The following RMRP variants were observed in gnomAD, a reference collection of about 807,000 sequenced individuals.
The protein encoded by RMRP is RNase MRP RNA.
At chr9:35,657,751 A>T (rs572399988), downstream of RMRP, 6 of 683,428 alleles carry the variant, frequency 8.8e-6, no homozygotes, top group African/African-American at 1.8e-5. Context: ...GGAACAAAAA[A>T]CAGCCGCGCT....
rs902757638 is a variant in RMRP at position 35,657,943 on chromosome 9, G to A, written n.75C>T. 8.6e-6 allele frequency: 6 copies of A among 700,468 alleles called. No homozygotes were observed. Among genetic ancestry groups the A allele is most frequent in the East Asian group, 8.0e-5 (3 of 37,290 alleles). 43.4% of individuals were successfully genotyped at this position (700,468 alleles called of 1,614,324 possible). ...TGGCACTCTCTGCCCGAGGTCCGGG[G>A]ACTTTCCCCTAGGCGGAAAGGGGAG... is the stretch of plus-strand genomic sequence containing the variant. On this transcript the variant is annotated non_coding_transcript_exon_variant, in exon 1 of 1. Transcript: ENST00000363046.
chr9:35,657,930 C>T lies in RMRP; in HGVS notation n.88G>A, dbSNP rs780957606. 6.3e-5 allele frequency: 44 copies of T among 700,300 alleles called. No individual in the cohort carries two copies. The highest frequency in any genetic ancestry group is 8.8e-5 in the Non-Finnish European group (34 of 384,812). 43.4% of individuals were successfully genotyped at this position (700,300 alleles called of 1,614,324 possible). On this transcript the variant is annotated non_coding_transcript_exon_variant, in exon 1 of 1. Coordinates refer to ENST00000363046, the Ensembl canonical transcript of RMRP. Reference sequence around the variant, plus strand: ...GTGCGTATGCACGTGGCACTCTCTGCCCGAGGTCCGGGGACTTTCCCCTAG... The same window carrying T: ...GTGCGTATGCACGTGGCACTCTCTGTCCGAGGTCCGGGGACTTTCCCCTAG...
rs74810894 is a variant in RMRP at position 35,657,891 on chromosome 9, C to T, written n.127G>A. The stretch of plus-strand genomic sequence containing the variant: ...TCTTGGCGGACTTTGGAGTGGGAAG[C>T]GGGGAATGTCTACGTGCGTATGCAC... On this transcript the variant is annotated non_coding_transcript_exon_variant, in exon 1 of 1. Transcript: ENST00000363046. 11 of 700,434 alleles carry T rather than the reference C, an allele frequency of 1.6e-5. No individual in the cohort carries two copies. Among genetic ancestry groups the T allele is most frequent in the African/African-American group, 5.2e-5 (3 of 57,324 alleles). 43.4% of individuals were successfully genotyped at this position (700,434 alleles called of 1,614,324 possible). A position where few individuals can be genotyped will look rare whatever the true frequency, so the allele number is the denominator to read the frequency against.
Position 35,658,014 on chromosome 9 carries a change from G to C in RMRP, n.4C>G, listed in dbSNP as rs772443941. On this transcript the variant is annotated non_coding_transcript_exon_variant, in exon 1 of 1. Transcript: ENST00000363046. ...AGCCTAGGATACAGGCCTTCAGCAC[G>C]AACCACGTCCTCAGCTTCACAGAGT... 5.8e-6 allele frequency: 4 copies of C among 691,230 alleles called. No homozygotes were observed. The highest frequency in any genetic ancestry group is 1.1e-5 in the Non-Finnish European group (4 of 377,666). 42.8% of individuals were successfully genotyped at this position (691,230 alleles called of 1,614,324 possible).
At chr9:35,657,941 G>C in exon 1 of RMRP, 2 of 700,454 alleles carry the variant, frequency 2.9e-6, no homozygotes, top group Non-Finnish European at 5.2e-6. Flanking sequence ...CCGAGGTCCG[G>C]GGACTTTCCC....
rs2131808768 is a variant in RMRP at position 35,657,925 on chromosome 9, C to CT, written n.92dup. The CT allele has an allele frequency of 1.4e-6, 1 of 700,460 alleles. No homozygotes were observed. The highest frequency in any genetic ancestry group is 1.5e-5 in the South Asian group (1 of 67,512). 43.4% of individuals were successfully genotyped at this position (700,460 alleles called of 1,614,324 possible). ...TCTACGTGCGTATGCACGTGGCACT[C>CT]TCTGCCCGAGGTCCGGGGACTTTCC... On this transcript the variant is annotated non_coding_transcript_exon_variant, in exon 1 of 1. Transcript: ENST00000363046.
chr9:35,657,768 G>C (rs769854200), exon 1 of RMRP: 1 of 693,112 alleles, frequency 1.4e-6, no homozygotes. Flanking sequence ...CGCTGAGAAT[G>C]AGCCCCGTGT....
chr9:35,657,772 C>A (rs1299479654), exon 1 of RMRP: 1 of 695,968 alleles, frequency 1.4e-6, no homozygotes, highest in East Asian at 2.7e-5. Context: ...GAGAATGAGC[C>A]CCGTGTGGTT....
At chr9:35,657,939 C>CA (rs1823621427) in exon 1 of RMRP, 2 of 700,336 alleles carry the variant, frequency 2.9e-6, no homozygotes, top group African/African-American at 1.7e-5. Flanking sequence ...GCCCGAGGTC[C>CA]GGGGACTTTC....
chr9:35,657,753 A>T (rs557906740), downstream of RMRP: 2 of 684,628 alleles, frequency 2.9e-6, no homozygotes, highest in Non-Finnish European at 2.7e-6. Context: ...AACAAAAAAC[A>T]GCCGCGCTGA....
rs1023574374 is a variant in RMRP, at chr9:35,658,015, A to C, written n.3T>G. 4.3e-6 allele frequency: 3 copies of C among 690,820 alleles called. No homozygotes were observed. The African/African-American group carries it at 5.3e-5, about 12-fold the overall frequency. 42.8% of individuals were successfully genotyped at this position (690,820 alleles called of 1,614,324 possible). On this transcript the variant is annotated non_coding_transcript_exon_variant, in exon 1 of 1. Coordinates refer to ENST00000363046, the Ensembl canonical transcript of RMRP. The stretch of plus-strand genomic sequence containing the variant: ...GCCTAGGATACAGGCCTTCAGCACG[A>C]ACCACGTCCTCAGCTTCACAGAGTA...
chr9:35,657,898 T>C lies in RMRP; in HGVS notation n.120A>G, dbSNP rs557578605. On this transcript the variant is annotated non_coding_transcript_exon_variant, in exon 1 of 1. Transcript: ENST00000363046. ...GGACTTTGGAGTGGGAAGCGGGGAA[T>C]GTCTACGTGCGTATGCACGTGGCAC... 4.0e-5 allele frequency: 28 copies of C among 697,626 alleles called. No homozygotes were observed. Among genetic ancestry groups the C allele is most frequent in the East Asian group, 8.0e-5 (3 of 37,286 alleles). 43.2% of individuals were successfully genotyped at this position (697,626 alleles called of 1,614,324 possible). A position where few individuals can be genotyped will look rare whatever the true frequency, so the allele number is the denominator to read the frequency against.
chr9:35,657,912 T>TGCACGTG (rs1563907198), exon 1 of RMRP: 1 of 699,918 alleles, frequency 1.4e-6, no homozygotes, highest in East Asian at 2.7e-5. Context: ...TACGTGCGTA[T>TGCACGTG]GCACGTGGCA....
exon 1 of RMRP, chr9:35,657,980 TC>T: frequency 1.4e-6 from 1 of 700,464 alleles, no homozygotes; most frequent in Non-Finnish European, 2.6e-6. Context: ...AACAGAGTCC[TC>T]AGTGTGTAGC....
chr9:35,657,931 C>T lies in RMRP; in HGVS notation n.87G>A, dbSNP rs1264110860. ...TGCGTATGCACGTGGCACTCTCTGCCCGAGGTCCGGGGACTTTCCCCTAGG... is the reference window on the plus strand; with the variant it reads ...TGCGTATGCACGTGGCACTCTCTGCTCGAGGTCCGGGGACTTTCCCCTAGG... On this transcript the variant is annotated non_coding_transcript_exon_variant, in exon 1 of 1. Coordinates refer to ENST00000363046, the Ensembl canonical transcript of RMRP. 5.7e-6 allele frequency: 4 copies of T among 700,426 alleles called. No individual in the cohort carries two copies. Among genetic ancestry groups the T allele is most frequent in the Admixed American group, 2.0e-5 (1 of 50,010 alleles). The allele number at this position is 700,426 out of a possible 1,614,324, so 43.4% of individuals were successfully genotyped here. A position where few individuals can be genotyped will look rare whatever the true frequency, so the allele number is the denominator to read the frequency against.
At chr9:35,658,016 A>G (rs1388113321) in exon 1 of RMRP, 1 of 690,356 alleles carries the variant, frequency 1.4e-6, no homozygotes, top group Non-Finnish European at 2.7e-6. Flanking sequence ...TTCAGCACGA[A>G]CCACGTCCTC....
chr9:35,657,980 T>G, exon 1 of RMRP: 1 of 700,464 alleles, frequency 1.4e-6, no homozygotes, highest in Non-Finnish European at 2.6e-6. Context: ...AACAGAGTCC[T>G]CAGTGTGTAG....
At chr9:35,657,959 GA>G in exon 1 of RMRP, 1 of 700,452 alleles carries the variant, frequency 1.4e-6, no homozygotes, top group Non-Finnish European at 2.6e-6. Flanking sequence ...CCCCTAGGCG[GA>G]AAGGGGAGGA....
At chr9:35,657,959 G>GA (rs1823623732) in exon 1 of RMRP, 1 of 700,336 alleles carries the variant, frequency 1.4e-6, no homozygotes, top group African/African-American at 1.7e-5. Context: ...CCCCTAGGCG[G>GA]AAAGGGGAGG....
Sources: allele counts gnomAD v4.1 joint callset, GRCh38; gene constraint gnomAD v4.1.1; transcripts MANE v1.5; gene names NCBI Gene and HGNC (gene_info 2026-07-23, HGNC 2026-07-21).